The following KIAA0319L variants were observed in gnomAD, a reference collection of about 807,000 sequenced individuals.
The protein encoded by KIAA0319L is KIAA0319 like, also known as dyslexia-associated protein KIAA0319-like protein.
KIAA0319L carries 55 observed loss-of-function variants against 120.1 expected under a neutral mutation model. That is an observed-to-expected ratio of 0.46 (90% CI 0.37 to 0.57). KIAA0319L has a LOEUF of 0.57. Ranked by LOEUF, KIAA0319L falls within the 20% of genes least tolerant of loss-of-function variation. KIAA0319L has a pLI of 0.00. For synonymous variants in KIAA0319L, 398 were observed against 471.9 expected (o/e 0.84, Z 2.03); for missense variants, 1,049 against 1,255.3 (o/e 0.84, Z 2.48).
At chr1:35,537,385 C>CTTTTT (rs138689877) in intron 2 of KIAA0319L, among the ~76,000 whole-genome samples, 1 of 126,792 alleles carries the variant, frequency 7.9e-6, no homozygotes. Context: ...CTTTCCTTTC[C>CTTTTT]TTTTTTTTTT....
Position 35,506,909 on chromosome 1 carries a change from G to A in KIAA0319L, c.369C>T (p.Ser123=). 6.2e-7 allele frequency: 1 copy of A among 1,614,206 alleles called. No homozygotes were observed. Among genetic ancestry groups the A allele is most frequent in the Non-Finnish European group, 8.5e-7 (1 of 1,180,032 alleles). The part of the protein sequence containing the change: ...PQSCRAFRTH[S]SNSMLVFLKK... ...TTAAAAACACCAGCATGGAATTGGA[G>A]GAGTGTGTCCTAAAAGCCCGGCAGC... Residue 123 remains serine, a synonymous_variant, in exon 3 of 21, where the codon TCC becomes TCT. Transcript: ENST00000325722. This position sits in a 1 kb window ranked among gnomAD's most constrained non-coding sequence, Gnocchi z 4.0.
intron 2 of KIAA0319L, among the ~76,000 whole-genome samples, chr1:35,549,282 G>A (rs537224082): frequency 9.9e-5 from 15 of 151,934 alleles, no homozygotes; most frequent in African/African-American, 3.6e-4. Flanking sequence ...TCCTGGCCTC[G>A]GGTGATCCTC....
intron 15 of KIAA0319L, among the ~76,000 whole-genome samples, chr1:35,448,602 T>A (rs1010200051): frequency 4.0e-5 from 6 of 151,746 alleles, no homozygotes; most frequent in African/African-American, 1.5e-4. Flanking sequence ...GGGTGGGGAG[T>A]AATGACGGGA....
chr1:35,460,288 G>A lies in KIAA0319L; in HGVS notation c.1427+17C>T, dbSNP rs759598700. On this transcript the variant is annotated intron_variant, in intron 9 of 20. Coordinates refer to ENST00000325722, the MANE Select transcript of KIAA0319L (RefSeq NM_024874.5). Reference sequence around the variant, plus strand: ...AAAAATGGCCTATGGTAAACTTGAAGCTGAATCCTAATTTACCTGAAAGTG... The same window carrying A: ...AAAAATGGCCTATGGTAAACTTGAAACTGAATCCTAATTTACCTGAAAGTG... 1.2e-6 allele frequency: 2 copies of A among 1,606,118 alleles called. No homozygotes were observed. The highest frequency in any genetic ancestry group is 2.2e-5 in the South Asian group (2 of 89,364).
intron 2 of KIAA0319L, chr1:35,511,042 G>C (rs978374599): frequency 6.6e-6 from 1 of 152,156 alleles, no homozygotes; most frequent in Non-Finnish European, 1.5e-5. Flanking sequence ...CCTTTAGTAA[G>C]AGCTTGACTC....
At chr1:35,462,533 C>G in intron 8 of KIAA0319L, 88 bp downstream of exon 8, 2 of 1,102,146 alleles carry the variant, frequency 1.8e-6, no homozygotes, top group Non-Finnish European at 2.7e-6. Context: ...AACGCAGACA[C>G]AGCTGGCCCC....
intron 2 of KIAA0319L, among the ~76,000 whole-genome samples, chr1:35,511,895 C>T (rs1315209145): frequency 2.0e-5 from 3 of 152,094 alleles, no homozygotes; most frequent in African/African-American, 7.2e-5. Context: ...AAGCAAGTTG[C>T]AGAAAATCTA....
chr1:35,540,087 A>T (rs185812275), intron 2 of KIAA0319L, among the ~76,000 whole-genome samples: 390 of 152,364 alleles, frequency 2.6e-3, no homozygotes, highest in Non-Finnish European at 3.7e-3. Context: ...AAATCCTGTC[A>T]TCTGCTGAGG....
chr1:35,526,405 ATATATACACACATACATATATATATG>A (rs1383371573), intron 2 of KIAA0319L, among the ~76,000 whole-genome samples: 20 of 145,124 alleles, frequency 1.4e-4, no homozygotes, highest in African/African-American at 5.1e-4. Context: ...ATATATATAT[ATATATACACACATACATATATATATG>A]TATATATATA....
intron 3 of KIAA0319L, among the ~76,000 whole-genome samples, chr1:35,482,802 T>A (rs1306149945): frequency 6.6e-6 from 1 of 152,228 alleles, no homozygotes; most frequent in Non-Finnish European, 1.5e-5. Context: ...CCCCGATCAA[T>A]GTACCTTTAA....
intron 3 of KIAA0319L, among the ~76,000 whole-genome samples, chr1:35,502,232 A>G (rs6683661): frequency 0.23 from 34,184 of 150,084 alleles, 8,367 homozygotes; most frequent in African/African-American, 0.58. Context: ...CCAAGATCGC[A>G]CCACTGCACT....
intron 9 of KIAA0319L, among the ~76,000 whole-genome samples, chr1:35,457,454 G>A (rs1465551915): frequency 1.4e-5 from 2 of 143,806 alleles, no homozygotes; most frequent in Non-Finnish European, 1.5e-5. Context: ...ATTCTCCTAC[G>A]CAACAGTCCC....
chr1:35,488,477 AG>A (rs1558454399), intron 3 of KIAA0319L, among the ~76,000 whole-genome samples: 1 of 152,242 alleles, frequency 6.6e-6, no homozygotes, highest in African/African-American at 2.4e-5. Flanking sequence ...AGGAAATTAC[AG>A]GAAGTTATGT....
chr1:35,503,368 G>A (rs949844617), intron 3 of KIAA0319L, among the ~76,000 whole-genome samples: 3 of 152,158 alleles, frequency 2.0e-5, no homozygotes, highest in African/African-American at 7.2e-5. Context: ...TAAGGCAGTG[G>A]TTCTGGTCCC....
chr1:35,526,447 A>G (rs1646152298), intron 2 of KIAA0319L, among the ~76,000 whole-genome samples: 1 of 146,702 alleles, frequency 6.8e-6, no homozygotes, highest in African/African-American at 2.5e-5. Flanking sequence ...ATATATATAT[A>G]TATTTGTGGG....
chr1:35,474,754 C>T (rs1450076823), intron 5 of KIAA0319L, 51 bp downstream of exon 5: 3 of 1,055,784 alleles, frequency 2.8e-6, no homozygotes, highest in Non-Finnish European at 1.5e-6. Flanking sequence ...AGCAAGACTC[C>T]ATCTCTTTCA....
At chr1:35,444,035 G>A in intron 17 of KIAA0319L, 126 bp downstream of exon 17, 2 of 819,062 alleles carry the variant, frequency 2.4e-6, no homozygotes, top group East Asian at 5.5e-5. Flanking sequence ...GGTAATAGTA[G>A]TGCAAGAGAA....
chr1:35,509,442 G>A (rs1645337092), intron 2 of KIAA0319L, among the ~76,000 whole-genome samples: 1 of 152,212 alleles, frequency 6.6e-6, no homozygotes, highest in Non-Finnish European at 1.5e-5. Context: ...GAGAAGAAAA[G>A]TCTATAAAAT....
At chr1:35,464,466 G>T (rs1304273245) in intron 7 of KIAA0319L, among the ~76,000 whole-genome samples, 1 of 152,210 alleles carries the variant, frequency 6.6e-6, no homozygotes, top group Non-Finnish European at 1.5e-5. Context: ...TCTGGCAGAA[G>T]AAATTTCTAA....
Sources: gnomAD v4.1 joint callset for allele counts (sites outside exome capture counted in the v4.1 genomes callset) on GRCh38, gnomAD v4.1.1 for gene constraint, Gnocchi (gnomAD v3.1) non-coding constraint, MANE v1.5 for transcripts, NCBI Gene and HGNC (gene_info 2026-07-23, HGNC 2026-07-21) for gene names.